Variants in KCNH8 observed in about 807,000 individuals in gnomAD.
KCNH8 encodes the protein potassium voltage-gated channel subfamily H member 8.
A neutral mutation model predicts 103.6 loss-of-function variants in KCNH8; 70 were observed. That is an observed-to-expected ratio of 0.68 (90% confidence interval 0.56 to 0.82). The LOEUF is 0.82. KCNH8 is among the 40% of genes least tolerant of loss of function. The pLI is 0.00. For missense variants in KCNH8, 1,217 were observed against 1,329.9 expected (o/e 0.92, Z 1.32); for synonymous variants, 498 against 489.4 (o/e 1.02, Z -0.23).
Position 19,459,213 on chromosome 3 carries a change from C to T in KCNH8, c.2040+2231C>T, listed in dbSNP as rs192874645. The stretch of plus-strand genomic sequence containing the variant: ...GTGGCTATAATGATTTACATTTGCA[C>T]CAACAGTGTGCAGGGGTTCCTTTTT... On this transcript the variant is annotated intron_variant, in intron 11 of 15. Coordinates refer to ENST00000328405, the MANE Select transcript of KCNH8 (RefSeq NM_144633.3). Among the ~76,000 whole-genome samples, 35 of 152,026 alleles carry T rather than the reference C, an allele frequency of 2.3e-4. No homozygotes were observed. The East Asian group carries it at 5.0e-3, about 22-fold the overall frequency.
intron 2 of KCNH8, among the ~76,000 whole-genome samples, chr3:19,254,101 C>A (rs943747059): frequency 6.6e-6 from 1 of 151,780 alleles, no homozygotes; most frequent in Non-Finnish European, 1.5e-5. Context: ...TATAACTATT[C>A]AATGTCAATG....
At chr3:19,218,647 A>G (rs187851089) in intron 1 of KCNH8, among the ~76,000 whole-genome samples, 38 of 152,288 alleles carry the variant, frequency 2.5e-4, no homozygotes, top group African/African-American at 8.2e-4. Context: ...TGCTGGAACA[A>G]TGTACCACAA....
chr3:19,325,903 C>T (rs980647969), intron 3 of KCNH8, among the ~76,000 whole-genome samples: 1 of 152,092 alleles, frequency 6.6e-6, no homozygotes, highest in Non-Finnish European at 1.5e-5. Flanking sequence ...TTCATTGAAG[C>T]ATTATTCGCA....
At chr3:19,501,265 T>G (rs922826889) in intron 11 of KCNH8, among the ~76,000 whole-genome samples, 28 of 152,232 alleles carry the variant, frequency 1.8e-4, no homozygotes, top group African/African-American at 6.0e-4. Context: ...TAACAGGAGC[T>G]GAAATTGTGG....
intron 7 of KCNH8, among the ~76,000 whole-genome samples, chr3:19,425,073 A>G (rs1400986584): frequency 6.6e-6 from 1 of 152,166 alleles, no homozygotes; most frequent in Non-Finnish European, 1.5e-5. Flanking sequence ...TGATTTTGAT[A>G]CCTTGAAAGA....
At chr3:19,245,260 A>G (rs1318054145) in intron 1 of KCNH8, among the ~76,000 whole-genome samples, 2 of 152,108 alleles carry the variant, frequency 1.3e-5, no homozygotes, top group African/African-American at 2.4e-5. Context: ...AAAATATCAT[A>G]TGGTTGTAAA....
chr3:19,473,644 T>C (rs1004468172), intron 11 of KCNH8, among the ~76,000 whole-genome samples: 1 of 152,226 alleles, frequency 6.6e-6, no homozygotes, highest in Non-Finnish European at 1.5e-5. Flanking sequence ...CCCAGACTGT[T>C]TCATTCTTGT....
intron 3 of KCNH8, among the ~76,000 whole-genome samples, chr3:19,290,920 C>A (rs894622937): frequency 4.6e-5 from 7 of 152,202 alleles, no homozygotes; most frequent in Admixed American, 6.5e-5. Context: ...TGAATTTCAG[C>A]GCCTGTTATT....
chr3:19,529,396 GGTTT>G (rs1270081146), intron 15 of KCNH8, among the ~76,000 whole-genome samples: 2 of 152,104 alleles, frequency 1.3e-5, no homozygotes, highest in Non-Finnish European at 2.9e-5. Flanking sequence ...ACAACGTGCA[GGTTT>G]GTTACATATG....
At chr3:19,519,712 G>A (rs541428570) in intron 15 of KCNH8, among the ~76,000 whole-genome samples, 5 of 151,750 alleles carry the variant, frequency 3.3e-5, no homozygotes, top group African/African-American at 7.2e-5. Flanking sequence ...GCAACTCCCC[G>A]TTGGAGAACT....
chr3:19,168,278 C>T (rs2063305538), intron 1 of KCNH8, among the ~76,000 whole-genome samples: 1 of 152,024 alleles, frequency 6.6e-6, no homozygotes, highest in African/African-American at 2.4e-5. Context: ...TCTGCTGGCT[C>T]AGTCTCCCAA....
At chr3:19,362,425 C>T (rs56162112) in intron 5 of KCNH8, among the ~76,000 whole-genome samples, 20,056 of 152,068 alleles carry the variant, frequency 0.13, 1,451 homozygotes, top group African/African-American at 0.2. Context: ...TTCATCTCAG[C>T]TTCAACTCCC....
chr3:19,333,373 A>C (rs2065537526), intron 3 of KCNH8, among the ~76,000 whole-genome samples: 1 of 152,168 alleles, frequency 6.6e-6, no homozygotes, highest in African/African-American at 2.4e-5. Context: ...ATTGTTTTGA[A>C]CCTAAATCAA....
intron 7 of KCNH8, among the ~76,000 whole-genome samples, chr3:19,401,661 A>G (rs2066614905): frequency 6.6e-6 from 1 of 151,914 alleles, no homozygotes; most frequent in Admixed American, 6.6e-5. Flanking sequence ...TATTTTAAAG[A>G]CTCAATTTTT....
chr3:19,331,095 T>C (rs995032544), intron 3 of KCNH8, among the ~76,000 whole-genome samples: 1 of 151,998 alleles, frequency 6.6e-6, no homozygotes, highest in Non-Finnish European at 1.5e-5. Flanking sequence ...TCAAAATTCA[T>C]ACTTTGTATC....
chr3:19,327,037 T>G (rs1249022609), intron 3 of KCNH8, among the ~76,000 whole-genome samples: 1 of 152,154 alleles, frequency 6.6e-6, no homozygotes, highest in Non-Finnish European at 1.5e-5. Context: ...GTTCTCTCTC[T>G]CTGTCTTGCT....
chr3:19,419,216 T>C (rs1575044310), intron 7 of KCNH8, among the ~76,000 whole-genome samples: 1 of 147,014 alleles, frequency 6.8e-6, no homozygotes, highest in Non-Finnish European at 1.5e-5. Context: ...TTTTTTTTTT[T>C]TGAGACGGAG....
intron 11 of KCNH8, among the ~76,000 whole-genome samples, chr3:19,472,237 TGTGTGTGTGTTA>T (rs1277895923): frequency 4.2e-5 from 6 of 141,870 alleles, no homozygotes; most frequent in African/African-American, 1.7e-4. Context: ...TGTGTGTGTG[TGTGTGTGTGTTA>T]ATGTCCACAG....
chr3:19,194,247 A>G (rs2063579752), intron 1 of KCNH8, among the ~76,000 whole-genome samples: 1 of 151,774 alleles, frequency 6.6e-6, no homozygotes. Flanking sequence ...GCTTTGCTGT[A>G]TTTTTATTGG....
Sources: allele counts gnomAD v4.1 joint callset (sites outside exome capture counted in the v4.1 genomes callset), GRCh38; gene constraint gnomAD v4.1.1; transcripts MANE v1.5; gene names NCBI Gene and HGNC (gene_info 2026-07-23, HGNC 2026-07-21).